Variants in FGGY observed in about 807,000 individuals in gnomAD.
The protein encoded by FGGY is FGGY carbohydrate kinase domain containing.
In FGGY, 72 loss-of-function variants were observed where a neutral mutation model predicts 71.3. The observed-to-expected ratio is 1.01, with a 90% CI of 0.84 to 1.23. The LOEUF is 1.23. FGGY is among the 50% of genes most tolerant of loss of function. The pLI, the probability that FGGY is intolerant of heterozygous loss-of-function variation, is 0.00. For missense variants in FGGY, 668 were observed against 682.3 expected (o/e 0.98, Z 0.23); for synonymous variants, 251 against 250.3 (o/e 1.00, Z -0.02).
chr1:59,547,985 A>T (rs1179028413), intron 7 of FGGY, among the ~76,000 whole-genome samples: 1 of 152,206 alleles, frequency 6.6e-6, no homozygotes, highest in African/African-American at 2.4e-5. Context: ...CCGTTTGCTT[A>T]TAGTGTAGTA....
intron 7 of FGGY, among the ~76,000 whole-genome samples, chr1:59,541,724 A>G (rs2095442774): frequency 6.6e-6 from 1 of 152,218 alleles, no homozygotes; most frequent in South Asian, 2.1e-4. Flanking sequence ...TATCCGAAAG[A>G]AATGTGTACT....
At chr1:59,748,090 C>T (rs1293694014) in intron 14 of FGGY, among the ~76,000 whole-genome samples, 3 of 151,952 alleles carry the variant, frequency 2.0e-5, no homozygotes, top group African/African-American at 4.8e-5. Context: ...CAGTACCTTG[C>T]GTAAAATAGG....
chr1:59,341,507 A>C (rs981701823), intron 3 of FGGY, among the ~76,000 whole-genome samples: 9 of 152,244 alleles, frequency 5.9e-5, no homozygotes, highest in African/African-American at 1.9e-4. Flanking sequence ...CATTTTCTGC[A>C]CAGACACACA....
chr1:59,374,742 C>T (rs2058345841), intron 4 of FGGY, among the ~76,000 whole-genome samples: 1 of 151,862 alleles, frequency 6.6e-6, no homozygotes, highest in Non-Finnish European at 1.5e-5. Flanking sequence ...GTTGAGTTCA[C>T]ATCATGTCCT....
At chr1:59,507,261 A>G (rs1229254598) in intron 6 of FGGY, among the ~76,000 whole-genome samples, 1 of 152,214 alleles carries the variant, frequency 6.6e-6, no homozygotes, top group Non-Finnish European at 1.5e-5. Context: ...GTCTTCTGTG[A>G]TTGGCTGAGA....
At chr1:59,533,321 T>C (rs969836357) in intron 7 of FGGY, among the ~76,000 whole-genome samples, 1 of 152,178 alleles carries the variant, frequency 6.6e-6, no homozygotes, top group Non-Finnish European at 1.5e-5. Flanking sequence ...CACACCAGAT[T>C]ATATCCCGCA....
At chr1:59,355,460 C>T (rs933839508) in intron 4 of FGGY, among the ~76,000 whole-genome samples, 2 of 152,132 alleles carry the variant, frequency 1.3e-5, no homozygotes, top group African/African-American at 4.8e-5. Flanking sequence ...GCACAATGCT[C>T]ATGCTTTTAT....
intron 4 of FGGY, among the ~76,000 whole-genome samples, chr1:59,371,604 AT>A (rs2057650245): frequency 6.6e-6 from 1 of 151,962 alleles, no homozygotes; most frequent in Admixed American, 6.6e-5. Context: ...CAGAATATAC[AT>A]TTTTTTTCAG....
At chr1:59,599,143 G>A (rs61788912) in intron 8 of FGGY, among the ~76,000 whole-genome samples, 23 of 152,104 alleles carry the variant, frequency 1.5e-4, no homozygotes, top group African/African-American at 3.4e-4. Context: ...TCACCCTGTC[G>A]CCCAGGATAG....
chr1:59,698,001 A>G (rs2097676785), intron 14 of FGGY, among the ~76,000 whole-genome samples: 1 of 152,218 alleles, frequency 6.6e-6, no homozygotes, highest in Non-Finnish European at 1.5e-5. Flanking sequence ...TAATACTTTT[A>G]TCAAAAAAGC....
At chr1:59,619,951 A>G (rs752599685) in intron 9 of FGGY, among the ~76,000 whole-genome samples, 3 of 152,020 alleles carry the variant, frequency 2.0e-5, no homozygotes, top group Non-Finnish European at 4.4e-5. Flanking sequence ...AGGTAGAGCC[A>G]CCTTCAAACC....
At chr1:59,514,207 T>C (rs1469119270) in intron 7 of FGGY, among the ~76,000 whole-genome samples, 1 of 152,210 alleles carries the variant, frequency 6.6e-6, no homozygotes, top group Non-Finnish European at 1.5e-5. Flanking sequence ...AAGCTTTCTC[T>C]GTCATGCTTT....
intron 8 of FGGY, among the ~76,000 whole-genome samples, chr1:59,554,750 T>G (rs933666553): frequency 2.0e-5 from 3 of 152,206 alleles, no homozygotes; most frequent in Non-Finnish European, 4.4e-5. Context: ...GTGAAAAGGC[T>G]TTCTCCAAGA....
intron 8 of FGGY, among the ~76,000 whole-genome samples, chr1:59,579,455 T>C (rs2096146762): frequency 6.6e-6 from 1 of 152,174 alleles, no homozygotes; most frequent in Non-Finnish European, 1.5e-5. Flanking sequence ...AATAGATACC[T>C]AAAATTTAGC....
chr1:59,669,236 C>T (rs1394540104), intron 13 of FGGY, among the ~76,000 whole-genome samples: 1 of 152,064 alleles, frequency 6.6e-6, no homozygotes, highest in Non-Finnish European at 1.5e-5. Flanking sequence ...TGGGGCAGGA[C>T]CAATATTGTA....
intron 4 of FGGY, among the ~76,000 whole-genome samples, chr1:59,374,653 C>G (rs1372700980): frequency 6.6e-6 from 1 of 151,960 alleles, no homozygotes; most frequent in Non-Finnish European, 1.5e-5. Context: ...TGGAACCAAC[C>G]CAAATGTCCA....
In FGGY at chr1:59,614,147, A is replaced by G. The variant is rs186437636; in HGVS notation, c.1011+6237A>G. Among the ~76,000 whole-genome samples the G allele has an allele frequency of 1.2e-3, 177 of 152,352 alleles. 1 individual carries two copies. Among genetic ancestry groups the G allele is most frequent in the African/African-American group, 4.1e-3 (170 of 41,586 alleles). ...GAGGGAATCCTCCCTAACTCATTTT[A>G]TGAGGCCAGCATCATCCTGATACCA... On this transcript the variant is annotated intron_variant, in intron 9 of 15. Coordinates refer to ENST00000303721, the MANE Select transcript of FGGY (RefSeq NM_018291.5).
chr1:59,554,341 C>T, intron 8 of FGGY, 114 bp downstream of exon 8: 1 of 719,362 alleles, frequency 1.4e-6, no homozygotes, highest in Non-Finnish European at 2.2e-6. Context: ...TCCCTGCCTG[C>T]CCCTTGTGCT....
chr1:59,684,199 A>G (rs1400829261), intron 14 of FGGY, among the ~76,000 whole-genome samples: 1 of 152,182 alleles, frequency 6.6e-6, no homozygotes, highest in East Asian at 1.9e-4. Flanking sequence ...GCACAGATGG[A>G]TACAGTTATG....
Sources: gnomAD v4.1 joint callset for allele counts (sites outside exome capture counted in the v4.1 genomes callset) on GRCh38, gnomAD v4.1.1 for gene constraint, MANE v1.5 for transcripts, NCBI Gene and HGNC (gene_info 2026-07-23, HGNC 2026-07-21) for gene names.